PLXNA4: variants seen among roughly 807,000 people sequenced by gnomAD.
PLXNA4 encodes plexin A4.
In PLXNA4, 44 loss-of-function variants were observed where a neutral mutation model predicts 191.8. The ratio of observed to expected loss-of-function variants is 0.23; its 90% CI spans 0.18 to 0.29. PLXNA4 has a LOEUF of 0.29. Among genes scored for constraint, PLXNA4 ranks in the 10% least tolerant of loss-of-function variants. PLXNA4 has a pLI of 1.00. For synonymous variants in PLXNA4, 1,082 were observed against 1,009.5 expected (o/e 1.07, Z -1.36); for missense variants, 1,800 against 2,488.8 (o/e 0.72, Z 5.89).
At chr7:132,583,751 C>A (rs1320016664) in intron 2 of PLXNA4, among the ~76,000 whole-genome samples, 1 of 152,194 alleles carries the variant, frequency 6.6e-6, no homozygotes, top group East Asian at 1.9e-4. Flanking sequence ...GCCCTATATT[C>A]TTCCTCTGTT....
rs116297869 is a variant in PLXNA4 at position 132,633,604 on chromosome 7, T to G, written c.-87+12324A>C. 5.5e-3 allele frequency among the ~76,000 whole-genome samples: 835 copies of G among 152,286 alleles called. 9 individuals carry two copies. The highest frequency in any genetic ancestry group is 0.018 in the African/African-American group (756 of 41,572). On this transcript the variant is annotated intron_variant, in intron 2 of 4. Coordinates refer to the PLXNA4 transcript ENST00000378539. Reference sequence around the variant, plus strand: ...CCAAGGTTCTCATTCTTGTGCAGATTGTTCCTTTCTCAGTCTACTGTGTCA... The same window carrying G: ...CCAAGGTTCTCATTCTTGTGCAGATGGTTCCTTTCTCAGTCTACTGTGTCA...
At chr7:132,390,677 G>A (rs972457646) in intron 3 of PLXNA4, among the ~76,000 whole-genome samples, 26 of 151,914 alleles carry the variant, frequency 1.7e-4, no homozygotes, top group African/African-American at 5.3e-4. Flanking sequence ...CATGGCCCCC[G>A]CTTCTTCTCT....
intron 25 of PLXNA4, among the ~76,000 whole-genome samples, chr7:132,151,264 AGG>A: frequency 1.8e-5 from 2 of 110,342 alleles, no homozygotes; most frequent in Non-Finnish European, 4.2e-5. Flanking sequence ...AAGAAGGAGG[AGG>A]AGGAAGAAGA....
In PLXNA4 at chr7:132,385,235, C is replaced by T. The variant is rs199516266; in HGVS notation, c.1372-87013G>A. The stretch of plus-strand genomic sequence containing the variant: ...AACAGGAGTTCCAGAGTCACTGTTG[C>T]TCTGTGGGATCGGGGTCCCGTCTGT... On this transcript the variant is annotated intron_variant, in intron 3 of 31. Coordinates refer to ENST00000321063, the MANE Select transcript of PLXNA4 (RefSeq NM_020911.2). The T allele has an allele frequency of 1.2e-4, 190 of 1,614,058 alleles. No individual in the cohort carries two copies. Among genetic ancestry groups the T allele is most frequent in the Non-Finnish European group, 1.5e-4 (181 of 1,179,984 alleles).
chr7:132,368,906 C>T (rs1028431186), intron 3 of PLXNA4, among the ~76,000 whole-genome samples: 2 of 152,230 alleles, frequency 1.3e-5, no homozygotes, highest in African/African-American at 4.8e-5. Flanking sequence ...TCTGCATTCA[C>T]CTCACATAGC....
At chr7:132,394,839 C>T (rs551764041) in intron 3 of PLXNA4, among the ~76,000 whole-genome samples, 11 of 152,338 alleles carry the variant, frequency 7.2e-5, no homozygotes, top group African/African-American at 2.6e-4. Flanking sequence ...TGAGCTCCTG[C>T]CCTTCCTCCC....
At chr7:132,463,686 G>A (rs1443451118) in intron 3 of PLXNA4, among the ~76,000 whole-genome samples, 1 of 152,158 alleles carries the variant, frequency 6.6e-6, no homozygotes, top group Non-Finnish European at 1.5e-5. Flanking sequence ...TCTTCCCTCT[G>A]GCTTACGGGG....
chr7:132,489,092 ACACT>A (rs1443785647), intron 3 of PLXNA4, among the ~76,000 whole-genome samples, 196 bp downstream of exon 3: 1 of 152,202 alleles, frequency 6.6e-6, no homozygotes, highest in Admixed American at 6.5e-5. Flanking sequence ...GTGAATCCAC[ACACT>A]CACCCCACAA....
intron 2 of PLXNA4, among the ~76,000 whole-genome samples, chr7:132,639,496 G>C (rs1803673210): frequency 6.6e-6 from 1 of 152,140 alleles, no homozygotes; most frequent in Non-Finnish European, 1.5e-5. Flanking sequence ...CACTCAGCTT[G>C]TCCCTCATTC....
intron 3 of PLXNA4, among the ~76,000 whole-genome samples, chr7:132,345,242 A>T (rs2116769058): frequency 6.6e-6 from 1 of 152,314 alleles, no homozygotes; most frequent in South Asian, 2.1e-4. Context: ...CAACTGCACA[A>T]AGTTGGTTGG....
chr7:132,385,797 T>C (rs558892922), intron 3 of PLXNA4, among the ~76,000 whole-genome samples: 24 of 152,352 alleles, frequency 1.6e-4, no homozygotes, highest in African/African-American at 5.8e-4. Context: ...TGGCCAACCT[T>C]GCCCCTCACT....
intron 2 of PLXNA4, among the ~76,000 whole-genome samples, chr7:132,494,978 G>T (rs1002370323): frequency 6.6e-6 from 1 of 152,104 alleles, no homozygotes; most frequent in Non-Finnish European, 1.5e-5. Context: ...AACAGTGGGG[G>T]GATCTCCCCA....
At position 132,368,252 on chromosome 7, in the gene PLXNA4, G is replaced by A. The variant is rs561078793; in HGVS notation, c.1372-70030C>T. ...GGGAGTGGAACAGCAGCTTATTTGA[G>A]TATTCTATTCTGCTTAGTGTTTTTC... On this transcript the variant is annotated intron_variant, in intron 3 of 31. Transcript: ENST00000321063. 1.8e-4 allele frequency among the ~76,000 whole-genome samples: 28 copies of A among 152,256 alleles called. No individual in the cohort carries two copies. The South Asian group carries it at 5.8e-3, about 32-fold the overall frequency.
chr7:132,223,403 G>A, intron 9 of PLXNA4, 124 bp downstream of exon 9: 2 of 775,296 alleles, frequency 2.6e-6, no homozygotes, highest in South Asian at 1.6e-5. Flanking sequence ...ACCCTTAAGA[G>A]CCAGGAAGAA....
chr7:132,366,857 G>T lies in PLXNA4; in HGVS notation c.1372-68635C>A, dbSNP rs954720772. Reference sequence around the variant, plus strand: ...GCTCATTGCAGCTTCAAACTCTTGGGATTAAGTGATCCTCCCACCTCAGCC... The same window carrying T: ...GCTCATTGCAGCTTCAAACTCTTGGTATTAAGTGATCCTCCCACCTCAGCC... On this transcript the variant is annotated intron_variant, in intron 3 of 31. Transcript: ENST00000321063. Among the ~76,000 whole-genome samples the T allele has an allele frequency of 2.0e-5, 3 of 152,288 alleles. 1 individual carries two copies. In the Middle Eastern group the frequency reaches 0.01, roughly 518 times the overall value.
chr7:132,148,050 A>G, intron 26 of PLXNA4, 51 bp from the exon 27 acceptor site: 1 of 1,613,392 alleles, frequency 6.2e-7, no homozygotes, highest in Non-Finnish European at 8.5e-7. Context: ...CTGCCACTCC[A>G]GGAAATAAGG....
intron 3 of PLXNA4, among the ~76,000 whole-genome samples, chr7:132,436,028 A>T (rs1795458263): frequency 6.6e-6 from 1 of 152,234 alleles, no homozygotes; most frequent in South Asian, 2.1e-4. Context: ...AGACTTCTCC[A>T]GTTCCCAGAA....
In PLXNA4 at chr7:132,145,150, G is replaced by A; in HGVS notation, c.5194C>T (p.Pro1732Ser). The part of the protein sequence containing the change: ...EQADKHGIHD[P>S]HVRHTWKSNC... ...CTCTTCCAGGTATGGCGGACGTGCG[G>A]GTCATGAATGCCATGTTTATCAGCC... The change falls in exon 29 of 32, where the codon CCG becomes TCG. Residue 1732 changes from proline (P) to serine (S), a missense_variant. This residue lies in a region of PLXNA4 where 101 missense variants were observed against 182.8 expected (regional missense o/e 0.55). Transcript: ENST00000321063. 1 of 1,614,148 alleles carries A rather than the reference G, an allele frequency of 6.2e-7. No homozygotes were observed.
At chr7:132,212,681 C>T (rs185736758) in intron 9 of PLXNA4, among the ~76,000 whole-genome samples, 1 of 152,032 alleles carries the variant, frequency 6.6e-6, no homozygotes, top group Non-Finnish European at 1.5e-5. Context: ...GAAATGGAAG[C>T]AAGAAAGGGA....
Sources: allele counts gnomAD v4.1 joint callset (sites outside exome capture counted in the v4.1 genomes callset), GRCh38; gene constraint gnomAD v4.1.1; regional missense constraint gnomAD v4.1.1; transcripts MANE v1.5; gene names NCBI Gene and HGNC (gene_info 2026-07-23, HGNC 2026-07-21).